The following MTHFD1L variants were observed in gnomAD, a reference collection of about 807,000 sequenced individuals.
MTHFD1L encodes the protein methylenetetrahydrofolate dehydrogenase (NADP+ dependent) 1 like, also known as monofunctional C1-tetrahydrofolate synthase, mitochondrial.
In MTHFD1L, 81 loss-of-function variants were observed where a neutral mutation model predicts 119.5. That is an observed-to-expected ratio of 0.68 (90% CI 0.57 to 0.82). MTHFD1L has a LOEUF of 0.82. Among genes scored for constraint, MTHFD1L ranks in the 40% least tolerant of loss-of-function variants. The pLI is 0.00. For synonymous variants in MTHFD1L, 430 were observed against 475.2 expected, an observed-to-expected ratio of 0.90 and a Z score of 1.24; for missense variants, 1,125 against 1,253.4, an observed-to-expected ratio of 0.90 and a Z score of 1.55.
intron 9 of MTHFD1L, among the ~76,000 whole-genome samples, chr6:150,920,945 T>A (rs1448667059): frequency 8.9e-6 from 1 of 111,742 alleles, no homozygotes; most frequent in Non-Finnish European, 1.8e-5. Context: ...GATAATTTTT[T>A]TTTTTTTTTT....
intron 15 of MTHFD1L, among the ~76,000 whole-genome samples, chr6:150,946,100 A>T (rs1448258313): frequency 6.6e-6 from 1 of 152,186 alleles, no homozygotes; most frequent in South Asian, 2.1e-4. Context: ...CTAGGAAATT[A>T]TAGGATAACC....
At chr6:151,013,518 G>A (rs1239303856) in intron 21 of MTHFD1L, among the ~76,000 whole-genome samples, 2 of 152,202 alleles carry the variant, frequency 1.3e-5, no homozygotes, top group African/African-American at 4.8e-5. Flanking sequence ...CATCCAGGGA[G>A]ATTTTAAACA....
At chr6:151,013,406 T>C (rs540816996) in intron 21 of MTHFD1L, among the ~76,000 whole-genome samples, 1 of 152,366 alleles carries the variant, frequency 6.6e-6, no homozygotes, top group East Asian at 1.9e-4. Flanking sequence ...AATGGTGATG[T>C]ACTCTGTATA....
At chr6:151,034,882 C>G (rs907334329) in intron 25 of MTHFD1L, among the ~76,000 whole-genome samples, 1 of 152,104 alleles carries the variant, frequency 6.6e-6, no homozygotes, top group African/African-American at 2.4e-5. Context: ...GATCTTTCAT[C>G]CCTCCCACTC....
rs996165446 is a variant in MTHFD1L, at chr6:150,886,435, CAAAAAAA to C, written c.643+718_643+724del. Among the ~76,000 whole-genome samples the C allele has an allele frequency of 3.2e-4, 22 of 69,656 alleles. No individual in the cohort carries two copies. The South Asian group carries it at 0.011, about 34-fold the overall frequency. The allele number at this position is 69,656 out of a possible 152,430, so 45.7% of individuals were successfully genotyped here. A position where few individuals can be genotyped will look rare whatever the true frequency, so the allele number is the denominator to read the frequency against. On this transcript the variant is annotated intron_variant, in intron 6 of 27. Coordinates refer to ENST00000367321, the MANE Select transcript of MTHFD1L (RefSeq NM_015440.5). ...TGGGCAATATAGCAAGACCCTGCCT[CAAAAAAA>C]AAAAAAAAAAAAAAAAGAGAAGAAG...
At chr6:151,004,572 A>G (rs919370802) in intron 20 of MTHFD1L, among the ~76,000 whole-genome samples, 3 of 152,164 alleles carry the variant, frequency 2.0e-5, no homozygotes, top group African/African-American at 7.2e-5. Context: ...GATCATGGAA[A>G]GGCAGCTGCC....
chr6:151,063,775 G>T (rs1000783092), intron 26 of MTHFD1L, among the ~76,000 whole-genome samples: 1 of 152,070 alleles, frequency 6.6e-6, no homozygotes, highest in Non-Finnish European at 1.5e-5. Context: ...ACATCCAAAT[G>T]TCAAGAATGG....
chr6:150,903,296 G>A (rs1391445884), intron 7 of MTHFD1L, among the ~76,000 whole-genome samples: 1 of 134,140 alleles, frequency 7.5e-6, no homozygotes, highest in Non-Finnish European at 1.5e-5. Flanking sequence ...TGGCTTCACT[G>A]CAACCTCTGC....
intron 24 of MTHFD1L, among the ~76,000 whole-genome samples, chr6:151,016,038 G>A (rs1379832016): frequency 6.6e-6 from 1 of 152,110 alleles, no homozygotes; most frequent in African/African-American, 2.4e-5. Context: ...AGTGAGCCAA[G>A]ATCGAGATCA....
intron 26 of MTHFD1L, among the ~76,000 whole-genome samples, chr6:151,069,797 G>T (rs1791755447): frequency 6.6e-6 from 1 of 152,154 alleles, no homozygotes; most frequent in South Asian, 2.1e-4. Context: ...CCAGGTCCAA[G>T]TGCTCGATCA....
At chr6:151,094,393 C>T (rs117705389) in intron 27 of MTHFD1L, among the ~76,000 whole-genome samples, 5,390 of 152,210 alleles carry the variant, frequency 0.035, 178 homozygotes, top group Admixed American at 0.11. Context: ...GACAGAGTCT[C>T]GCGCTATCAC....
chr6:151,021,340 G>C (rs995666727), intron 24 of MTHFD1L, among the ~76,000 whole-genome samples: 27 of 152,290 alleles, frequency 1.8e-4, no homozygotes, highest in Non-Finnish European at 3.5e-4. Flanking sequence ...CTGAGGCCAG[G>C]AGTTCGAGAC....
At chr6:151,051,803 G>A (rs1192047137) in intron 26 of MTHFD1L, among the ~76,000 whole-genome samples, 1 of 152,206 alleles carries the variant, frequency 6.6e-6, no homozygotes, top group Non-Finnish European at 1.5e-5. Flanking sequence ...GGCAGGGTAG[G>A]CCAAGAATGC....
At chr6:150,885,416 G>A (rs1264778683) in intron 5 of MTHFD1L, among the ~76,000 whole-genome samples, 4 of 152,018 alleles carry the variant, frequency 2.6e-5, no homozygotes, top group East Asian at 1.9e-4. Context: ...GGCTAGTCTC[G>A]AGCTCCTGAC....
intron 8 of MTHFD1L, among the ~76,000 whole-genome samples, chr6:150,909,267 A>T (rs1786460716): frequency 8.7e-6 from 1 of 115,408 alleles, no homozygotes; most frequent in South Asian, 2.5e-4. Flanking sequence ...TAACTACTTT[A>T]AAAAAAAAAA....
At chr6:151,085,999 C>A (rs115526027) in intron 26 of MTHFD1L, among the ~76,000 whole-genome samples, 1 of 151,986 alleles carries the variant, frequency 6.6e-6, no homozygotes, top group African/African-American at 2.4e-5. Flanking sequence ...GTTGCTGAGT[C>A]GAATGAACTT....
At chr6:150,891,276 G>A (rs1467089761) in intron 7 of MTHFD1L, among the ~76,000 whole-genome samples, 3 of 151,700 alleles carry the variant, frequency 2.0e-5, no homozygotes, top group Admixed American at 6.6e-5. Context: ...ATGAGCTACC[G>A]CGCCCGGGCT....
intron 7 of MTHFD1L, among the ~76,000 whole-genome samples, chr6:150,902,504 T>G (rs1305688517): frequency 6.6e-6 from 1 of 152,196 alleles, no homozygotes; most frequent in African/African-American, 2.4e-5. Context: ...AGATGATAAT[T>G]TTCCTTGAAT....
intron 24 of MTHFD1L, among the ~76,000 whole-genome samples, chr6:151,018,090 G>A (rs1783414137): frequency 6.6e-6 from 1 of 152,076 alleles, no homozygotes; most frequent in Non-Finnish European, 1.5e-5. Flanking sequence ...GCACCCGTCT[G>A]ACATCTCCAT....
Sources: gnomAD v4.1 joint callset for allele counts (sites outside exome capture counted in the v4.1 genomes callset) on GRCh38, gnomAD v4.1.1 for gene constraint, MANE v1.5 for transcripts, NCBI Gene and HGNC (gene_info 2026-07-23, HGNC 2026-07-21) for gene names.